Variants in TENM4 observed in about 807,000 individuals in gnomAD.
The protein encoded by TENM4 is teneurin-4.
A neutral mutation model predicts 243.3 loss-of-function variants in TENM4; 82 were observed. That is an observed-to-expected ratio of 0.34 (90% CI 0.28 to 0.40). The LOEUF (loss-of-function observed/expected upper bound fraction) is 0.40. TENM4 is among the 10% of genes least tolerant of loss of function. TENM4 has a pLI of 1.00. For missense variants in TENM4, 3,138 were observed against 3,673.3 expected, an observed-to-expected ratio of 0.85 and a Z score of 3.77; for synonymous variants, 1,412 against 1,456.3, an observed-to-expected ratio of 0.97 and a Z score of 0.69.
At chr11:78,805,014 C>T (rs1018045048) in intron 15 of TENM4, among the ~76,000 whole-genome samples, 6 of 152,060 alleles carry the variant, frequency 3.9e-5, no homozygotes, top group African/African-American at 7.2e-5. Context: ...GATGAGAGTT[C>T]GGTGAAACAC....
At position 79,355,469 on chromosome 11, in the gene TENM4, G is replaced by A. The variant is rs747433405; in HGVS notation, c.-320-57926C>T. Among the ~76,000 whole-genome samples the A allele has an allele frequency of 4.5e-5, 6 of 134,594 alleles. No individual in the cohort carries two copies. The South Asian group carries it at 9.6e-4, about 22-fold the overall frequency. 88.3% of individuals were successfully genotyped at this position (134,594 alleles called of 152,430 possible). On this transcript the variant is annotated intron_variant, in intron 1 of 33. Coordinates refer to ENST00000278550, the MANE Select transcript of TENM4 (RefSeq NM_001098816.3). Reference sequence around the variant, plus strand: ...AATTGCTTGAACCTGGGAAGCAGAGGTTGCAGTGAACCGAGATCACGCCAC... The same window carrying A: ...AATTGCTTGAACCTGGGAAGCAGAGATTGCAGTGAACCGAGATCACGCCAC...
In TENM4 at chr11:79,073,278, C is replaced by T. The variant is rs190023572; in HGVS notation, c.-65-3269G>A. On this transcript the variant is annotated intron_variant, in intron 4 of 33. Coordinates refer to ENST00000278550, the MANE Select transcript of TENM4 (RefSeq NM_001098816.3). ...AGGCTCTTGTCAGTCTGGCTCACCTCGCTTCCATCTTGCTGAGCCACTCAC... is the reference window on the plus strand; with the variant it reads ...AGGCTCTTGTCAGTCTGGCTCACCTTGCTTCCATCTTGCTGAGCCACTCAC... Among the ~76,000 whole-genome samples, 42 of 152,334 alleles carry T rather than the reference C, an allele frequency of 2.8e-4. No individual in the cohort carries two copies. In the East Asian group the frequency reaches 2.9e-3, roughly 11 times the overall value.
In TENM4 at chr11:79,056,774, T is replaced by C. The variant is rs1859956020; in HGVS notation, c.493+7964A>G. On this transcript the variant is annotated intron_variant, in intron 6 of 33. Transcript: ENST00000278550. The stretch of plus-strand genomic sequence containing the variant: ...AGGAGTGGGCAAGGGATATGGCTCA[T>C]CACCAAAGCTGTGGACTAAGAACAA... Among the ~76,000 whole-genome samples, 4 of 152,160 alleles carry C rather than the reference T, an allele frequency of 2.6e-5. No homozygotes were observed. The South Asian group carries it at 8.3e-4, about 32-fold the overall frequency.
chr11:78,829,345 G>C (rs759402541), intron 12 of TENM4, among the ~76,000 whole-genome samples: 32 of 152,192 alleles, frequency 2.1e-4, no homozygotes, highest in Non-Finnish European at 3.5e-4. Context: ...TTCCAGCTCT[G>C]ACTCTCACTA....
At chr11:79,002,897 T>C (rs1050516728) in intron 6 of TENM4, among the ~76,000 whole-genome samples, 14 of 152,142 alleles carry the variant, frequency 9.2e-5, no homozygotes, top group Non-Finnish European at 1.9e-4. Context: ...TTCTAAGGAA[T>C]ACAACAGAAC....
intron 12 of TENM4, among the ~76,000 whole-genome samples, chr11:78,844,453 C>A (rs1858337142): frequency 6.6e-6 from 1 of 152,134 alleles, no homozygotes; most frequent in Non-Finnish European, 1.5e-5. Flanking sequence ...ACCATCCTGG[C>A]CAACATGGTG....
At chr11:79,436,121 G>C (rs1859267263) in intron 1 of TENM4, among the ~76,000 whole-genome samples, 1 of 152,156 alleles carries the variant, frequency 6.6e-6, no homozygotes, top group African/African-American at 2.4e-5. Flanking sequence ...AGGTAGAAAG[G>C]AACAAGCATC....
rs1174488900 is a variant in TENM4 at position 78,656,403 on chromosome 11, T to C, written c.*1655A>G. 5.3e-5 allele frequency: 8 copies of C among 152,172 alleles called. No individual in the cohort carries two copies. The highest frequency in any genetic ancestry group is 1.9e-4 in the African/African-American group (8 of 41,436). The allele number at this position is 152,172 out of a possible 1,614,324, so 9.4% of individuals were successfully genotyped here. A position where few individuals can be genotyped will look rare whatever the true frequency, so the allele number is the denominator to read the frequency against. On this transcript the variant is annotated 3_prime_UTR_variant, in exon 34 of 34. Transcript: ENST00000278550. Reference sequence around the variant, plus strand: ...CCCTCCCATCTCCCAGAGCCTCCTGTGAGTGGTAATGACAATGGTAATTAG... The same window carrying C: ...CCCTCCCATCTCCCAGAGCCTCCTGCGAGTGGTAATGACAATGGTAATTAG...
At chr11:79,004,678 A>G (rs1377838957) in intron 6 of TENM4, among the ~76,000 whole-genome samples, 2 of 152,158 alleles carry the variant, frequency 1.3e-5, no homozygotes, top group South Asian at 2.1e-4. Context: ...ACCGAACATC[A>G]CACCTACACT....
At chr11:79,187,074 C>T (rs760784161) in intron 3 of TENM4, among the ~76,000 whole-genome samples, 6 of 152,190 alleles carry the variant, frequency 3.9e-5, no homozygotes, top group Non-Finnish European at 8.8e-5. Flanking sequence ...CATTCCTCCC[C>T]TTCATTCTTG....
intron 3 of TENM4, among the ~76,000 whole-genome samples, chr11:79,171,510 G>T (rs577527500): frequency 6.6e-6 from 1 of 152,136 alleles, no homozygotes; most frequent in Non-Finnish European, 1.5e-5. Flanking sequence ...ACGATTAACC[G>T]TTGGGTTCCT....
chr11:78,919,405 C>T (rs559163385), intron 6 of TENM4, among the ~76,000 whole-genome samples: 2 of 152,012 alleles, frequency 1.3e-5, no homozygotes, highest in African/African-American at 4.8e-5. Context: ...TGTCCTGCCC[C>T]CTCCCTCCAC....
chr11:79,415,013 G>A (rs1858782926), intron 1 of TENM4, among the ~76,000 whole-genome samples: 1 of 152,202 alleles, frequency 6.6e-6, no homozygotes. Flanking sequence ...GCTGACTGGG[G>A]CCAGGAGGCC....
chr11:79,198,683 T>A (rs943160735), intron 3 of TENM4, among the ~76,000 whole-genome samples: 1 of 152,190 alleles, frequency 6.6e-6, no homozygotes, highest in Non-Finnish European at 1.5e-5. Context: ...TAGCCCTGCT[T>A]CCATGCACTT....
At chr11:78,927,365 T>A (rs931303528) in intron 6 of TENM4, among the ~76,000 whole-genome samples, 1 of 152,236 alleles carries the variant, frequency 6.6e-6, no homozygotes, top group East Asian at 1.9e-4. Context: ...GTAAGGAAAG[T>A]AGCTGGCTCT....
At chr11:78,932,542 A>G (rs1465592670) in intron 6 of TENM4, among the ~76,000 whole-genome samples, 3 of 152,220 alleles carry the variant, frequency 2.0e-5, no homozygotes, top group African/African-American at 7.2e-5. Flanking sequence ...AAAAGGAAGC[A>G]CTAACACTGA....
chr11:78,800,736 G>A (rs963466026), intron 15 of TENM4, among the ~76,000 whole-genome samples: 1 of 144,274 alleles, frequency 6.9e-6, no homozygotes, highest in Admixed American at 6.9e-5. Context: ...AGTTCACAGG[G>A]GAGAGAGAGA....
intron 1 of TENM4, among the ~76,000 whole-genome samples, chr11:79,340,598 G>A (rs567617701): frequency 3.9e-5 from 6 of 152,072 alleles, no homozygotes; most frequent in Admixed American, 1.3e-4. Context: ...AGGCCTTCCC[G>A]CCCATCATTC....
chr11:79,417,328 G>A (rs1369735078), intron 1 of TENM4, among the ~76,000 whole-genome samples: 1 of 152,178 alleles, frequency 6.6e-6, no homozygotes, highest in Non-Finnish European at 1.5e-5. Context: ...CAGCCTCTTT[G>A]GACTTCAGCG....
Sources: allele counts gnomAD v4.1 joint callset (sites outside exome capture counted in the v4.1 genomes callset), GRCh38; gene constraint gnomAD v4.1.1; transcripts MANE v1.5; gene names NCBI Gene and HGNC (gene_info 2026-07-23, HGNC 2026-07-21).